The following FASN variants were observed in gnomAD, a reference collection of about 807,000 sequenced individuals.
FASN encodes 3-hydroxyacyl-[acyl-carrier-protein] dehydratase.
A neutral mutation model predicts 250.0 loss-of-function variants in FASN; 50 were observed. That is an observed-to-expected ratio of 0.20 (90% CI 0.16 to 0.25). The LOEUF (loss-of-function observed/expected upper bound fraction) is 0.25, where lower values mean the gene tolerates loss of function less well. FASN is among the 10% of genes least tolerant of loss of function. The pLI, the probability that FASN is intolerant of heterozygous loss-of-function variation, is 1.00. For missense variants in FASN, 3,031 were observed against 3,498.5 expected, an observed-to-expected ratio of 0.87 and a Z score of 3.37; for synonymous variants, 1,909 against 1,584.0, an observed-to-expected ratio of 1.21 and a Z score of -4.87.
chr17:82,091,882 G>T (rs761958086), intron 8 of FASN, among the ~76,000 whole-genome samples, 198 bp from the exon 9 acceptor site: 1 of 152,184 alleles, frequency 6.6e-6, no homozygotes. Context: ...CCTCAGCTTG[G>T]TCCAAGACCT....
rs11550611 is a variant in FASN at position 82,079,001 on chromosome 17, A to G, written c.*142T>C. 732,126 of 1,031,526 alleles carry G rather than the reference A, an allele frequency of 0.71. 264,023 individuals carry two copies. Among genetic ancestry groups the G allele is most frequent in the Non-Finnish European group, 0.75 (529,572 of 705,348 alleles). 63.9% of individuals were successfully genotyped at this position (1,031,526 alleles called of 1,614,324 possible). ...TGGGTGGGACATGCCTAACACCTAC[A>G]TCTAGCAGCCTCGGGGGGCAGTGGC... On this transcript the variant is annotated 3_prime_UTR_variant, in exon 43 of 43. Coordinates refer to ENST00000306749, the MANE Select transcript of FASN (RefSeq NM_004104.5).
Position 82,089,573 on chromosome 17 carries a change from C to T in FASN, c.1965+59G>A. The T allele has an allele frequency of 1.9e-6, 3 of 1,554,332 alleles. No individual in the cohort carries two copies. In the East Asian group the frequency reaches 7.2e-5, roughly 37 times the overall value. ...CGTAGACCGTGGCCGCGTGTCCCTG[C>T]CAGACTTGCAATGGCAGGCGCAGGG... On this transcript the variant is annotated intron_variant, in intron 12 of 42. Coordinates refer to ENST00000306749, the MANE Select transcript of FASN (RefSeq NM_004104.5).
chr17:82,081,345 G>T lies in FASN; in HGVS notation c.6414C>A (p.Arg2138=), dbSNP rs371569954. ...VEAVAHILGI[R]DLAAVNLDSS... is the part of the protein sequence containing the mutation. ...TGTCCAGGTTGACAGCAGCCAAGTCGCGGATGCCTGGAAGGGATGCGCCGG... is the reference window on the plus strand; with the variant it reads ...TGTCCAGGTTGACAGCAGCCAAGTCTCGGATGCCTGGAAGGGATGCGCCGG... Residue 2138 remains arginine (R), a synonymous_variant, in exon 38 of 43, where the codon CGC becomes CGA. Coordinates refer to ENST00000306749, the MANE Select transcript of FASN (RefSeq NM_004104.5). The T allele has an allele frequency of 3.2e-6, 5 of 1,558,930 alleles. No individual in the cohort carries two copies. Among genetic ancestry groups the T allele is most frequent in the African/African-American group, 1.4e-5 (1 of 73,888 alleles).
At chr17:82,079,759 C>A in intron 41 of FASN, 151 bp from the exon 42 acceptor site, 1 of 1,086,250 alleles carries the variant, frequency 9.2e-7, no homozygotes, top group South Asian at 1.6e-5. Context: ...TCACCGCAAC[C>A]TCCACCTACC....
chr17:82,087,673 G>A lies in FASN; in HGVS notation c.3043+12C>T. The A allele has an allele frequency of 1.2e-6, 2 of 1,610,454 alleles. No homozygotes were observed. The highest frequency in any genetic ancestry group is 1.7e-6 in the Non-Finnish European group (2 of 1,179,966). ...CCCCGGTGGCTTGGGCAGCAGTGTA[G>A]TCAGTACCCACCTTCCAGGCTGGCC... On this transcript the variant is annotated intron_variant, in intron 19 of 42. Coordinates refer to ENST00000306749, the MANE Select transcript of FASN (RefSeq NM_004104.5).
At position 82,079,078 on chromosome 17, in the gene FASN, C is replaced by T. The variant is rs1313527236; in HGVS notation, c.*65G>A. ...AGGACCCTTCAATCCCGTTGCATGGCGGGGGTGGGGTGGGGTGGGGTGGGG... is the reference window on the plus strand; with the variant it reads ...AGGACCCTTCAATCCCGTTGCATGGTGGGGGTGGGGTGGGGTGGGGTGGGG... On this transcript the variant is annotated 3_prime_UTR_variant, in exon 43 of 43. Coordinates refer to ENST00000306749, the MANE Select transcript of FASN (RefSeq NM_004104.5). 459 of 1,214,818 alleles carry T rather than the reference C, an allele frequency of 3.8e-4. 4 individuals are homozygous for T. In the Admixed American group the frequency reaches 9.6e-3, roughly 25 times the overall value. The allele number at this position is 1,214,818 out of a possible 1,614,324, so 75.3% of individuals were successfully genotyped here.
intron 2 of FASN, among the ~76,000 whole-genome samples, chr17:82,095,729 C>A (rs904859240): frequency 1.3e-5 from 2 of 152,208 alleles, no homozygotes; most frequent in African/African-American, 4.8e-5. Flanking sequence ...GCAGAGAGCT[C>A]GGCGGGAGTG....
chr17:82,082,099 C>T lies in FASN; in HGVS notation c.6073G>A (p.Gly2025Arg). The T allele has an allele frequency of 2.5e-6, 4 of 1,609,168 alleles. No individual in the cohort carries two copies. Among genetic ancestry groups the T allele is most frequent in the South Asian group, 1.1e-5 (1 of 91,088 alleles). The change falls in exon 36 of 43, where the codon GGG (glycine) becomes AGG (arginine). Residue 2025 changes from glycine to arginine, a missense_variant. By Grantham distance (125) the Gly-to-Arg change is moderately radical. Coordinates refer to ENST00000306749, the MANE Select transcript of FASN (RefSeq NM_004104.5). Reference sequence around the variant, plus strand: ...TTGCTCTGTCCCGCATTGCCACGCCCGCAGCTCACAGAGGAGAAGACCACA... The same window carrying T: ...TTGCTCTGTCCCGCATTGCCACGCCTGCAGCTCACAGAGGAGAAGACCACA... ...YFVVFSSVSCGRGNAGQSNYG... is the reference protein window; with the variant it reads ...YFVVFSSVSCRRGNAGQSNYG...
intron 35 of FASN, 45 bp downstream of exon 35, chr17:82,082,278 G>A: frequency 6.2e-7 from 1 of 1,609,052 alleles, no homozygotes. Flanking sequence ...ACGGCCCTGA[G>A]CCCAGAGCCC....
rs9890362 is a variant in FASN, at chr17:82,081,229, C to A, written c.6530G>T (p.Arg2177Leu). The part of the protein sequence containing the change: ...ERELNLVLSV[R>L]EVRQLTLRKL... The stretch of plus-strand genomic sequence containing the variant: ...CCGGAGCGTGAGTTGCCGCACCTCG[C>A]GCACGGACAGCACCAGGTTGAGCTC... Residue 2177 changes from arginine (R) to leucine (L), a missense_variant, in exon 38 of 43, where the codon CGC becomes CTC. Physicochemically the swap from Arg to Leu is moderately radical, Grantham distance 102. Coordinates refer to ENST00000306749, the MANE Select transcript of FASN (RefSeq NM_004104.5). 6.3e-7 allele frequency: 1 copy of A among 1,591,400 alleles called. No homozygotes were observed. Among genetic ancestry groups the A allele is most frequent in the Non-Finnish European group, 8.5e-7 (1 of 1,169,932 alleles).
chr17:82,084,002 G>A lies in FASN; in HGVS notation c.5071C>T (p.Leu1691=), dbSNP rs910912935. ...GQAAIAIALS[L]GCRVFTTVGS... The stretch of plus-strand genomic sequence containing the variant: ...ACGGTGGTGAAGACGCGGCAGCCCA[G>A]ACTGAGGGCGATGGCGATGGCGGCC... The change falls in exon 29 of 43, where the codon CTG becomes TTG. Residue 1691 remains leucine (L), a synonymous_variant. Transcript: ENST00000306749. 11 of 1,539,178 alleles carry A rather than the reference G, an allele frequency of 7.1e-6. 1 individual carries two copies. In the South Asian group the frequency reaches 1.2e-4, roughly 17 times the overall value.
In FASN at chr17:82,079,581, C is replaced by A. The variant is rs1429934731; in HGVS notation, c.7174G>T (p.Gly2392Cys). The stretch of plus-strand genomic sequence containing the variant: ...GCGGCTGCCACACGCTCCTCTAGGC[C>A]CTTCAGCGGCAGCAGCGCCTCCAGC... ...RVLEALLPLK[G>C]LEERVAAAVD... The change falls in exon 42 of 43, where the codon GGC becomes TGC. Residue 2392 changes from glycine (G) to cysteine (C), a missense_variant. Gly to Cys is a radical substitution (Grantham distance 159). Coordinates refer to ENST00000306749, the MANE Select transcript of FASN (RefSeq NM_004104.5). 4 of 1,602,984 alleles carry A rather than the reference C, an allele frequency of 2.5e-6. No homozygotes were observed. In the East Asian group the frequency reaches 8.9e-5, roughly 36 times the overall value.
chr17:82,094,563 GAT>G (rs2034271634), intron 3 of FASN, among the ~76,000 whole-genome samples: 1 of 152,056 alleles, frequency 6.6e-6, no homozygotes, highest in Non-Finnish European at 1.5e-5. Flanking sequence ...AGCTGAGATG[GAT>G]GGATCACGAG....
chr17:82,093,071 C>A (rs775435002), intron 5 of FASN, 52 bp from the exon 6 acceptor site: 2 of 1,606,282 alleles, frequency 1.2e-6, no homozygotes, highest in Non-Finnish European at 1.7e-6. Context: ...CCGGCCCCCA[C>A]CCCACCAGGA....
chr17:82,090,598 T>A (rs1015721080), intron 10 of FASN, 34 bp from the exon 11 acceptor site: 2 of 1,583,448 alleles, frequency 1.3e-6, no homozygotes, highest in Non-Finnish European at 1.7e-6. Context: ...GGTTGCAACC[T>A]CCAGCAGGTG....
chr17:82,084,716 T>TCTA lies in FASN; in HGVS notation c.4565-3_4565-1dup (p.Glu1521_Asp1522insVal), dbSNP rs764277201. ...ATGTGCCGTCGGCTCCTCAGGCTTG[T>TCTA]CTAGGGAAACAGGGAGGTGGGGCTG... On this transcript the variant is annotated inframe_insertion and splice_region_variant. Transcript: ENST00000306749. 310 of 1,558,982 alleles carry TCTA rather than the reference T, an allele frequency of 2.0e-4. No homozygotes were observed. Among genetic ancestry groups the TCTA allele is most frequent in the Middle Eastern group, 1.0e-3 (6 of 6,020 alleles).
chr17:82,088,786 C>A lies in FASN; in HGVS notation c.2395G>T (p.Gly799Cys). 6.2e-7 allele frequency: 1 copy of A among 1,612,264 alleles called. No individual in the cohort carries two copies. Among genetic ancestry groups the A allele is most frequent in the Non-Finnish European group, 8.5e-7 (1 of 1,179,666 alleles). ...CCTGAGAGGTGCAGCCTGCCGATGCCGGCCAGGAAGAACTCCAGGTTGTCC... is the reference window on the plus strand; with the variant it reads ...CCTGAGAGGTGCAGCCTGCCGATGCAGGCCAGGAAGAACTCCAGGTTGTCC... The part of the protein sequence containing the change: ...HRDNLEFFLA[G>C]IGRLHLSGID... Residue 799 changes from glycine (G) to cysteine (C), a missense_variant, in exon 15 of 43, where the codon GGC (glycine) becomes TGC (cysteine). Gly to Cys is a radical substitution (Grantham distance 159, BLOSUM62 -3). Coordinates refer to ENST00000306749, the MANE Select transcript of FASN (RefSeq NM_004104.5).
In FASN at chr17:82,087,847, A is replaced by C; in HGVS notation, c.2881T>G (p.Trp961Gly). ...AAGAGCCTGGGGTCAGGGTCATCCC[A>C]CTGGTACACCTTCCCTGTGGAAAGG... ...NLVVSGKVYQ[W>G]DDPDPRLFDH... Residue 961 changes from tryptophan (W) to glycine (G), a missense_variant, in exon 19 of 43, where the codon TGG (tryptophan) becomes GGG (glycine). By Grantham distance (184) the Trp-to-Gly change is radical. Coordinates refer to ENST00000306749, the MANE Select transcript of FASN (RefSeq NM_004104.5). 1 of 1,612,590 alleles carries C rather than the reference A, an allele frequency of 6.2e-7. No homozygotes were observed. The highest frequency in any genetic ancestry group is 8.5e-7 in the Non-Finnish European group (1 of 1,179,868).
chr17:82,090,935 C>G lies in FASN; in HGVS notation c.1627G>C (p.Glu543Gln). The G allele has an allele frequency of 6.2e-7, 1 of 1,612,050 alleles. No homozygotes were observed. ...KVSQLLLSTD[E>Q]STFDDIVHSF... Reference sequence around the variant, plus strand: ...TGGACGATGTCATCAAAGGTGCTCTCGTCTGTGCTCAGCAGCAGCTGTGAC... The same window carrying G: ...TGGACGATGTCATCAAAGGTGCTCTGGTCTGTGCTCAGCAGCAGCTGTGAC... Residue 543 changes from glutamate (E) to glutamine (Q), a missense_variant, in exon 10 of 43, where the codon GAG (glutamate) becomes CAG (glutamine). By Grantham distance (29) the Glu-to-Gln change is conservative (BLOSUM62 2). Coordinates refer to ENST00000306749, the MANE Select transcript of FASN (RefSeq NM_004104.5).
Sources: gnomAD v4.1 joint callset for allele counts (sites outside exome capture counted in the v4.1 genomes callset) on GRCh38, gnomAD v4.1.1 for gene constraint, MANE v1.5 for transcripts, NCBI Gene and HGNC (gene_info 2026-07-23, HGNC 2026-07-21) for gene names.